The following MSL2 variants were observed in gnomAD, a reference collection of about 807,000 sequenced individuals.
MSL2 encodes the protein MSL complex subunit 2.
A neutral mutation model predicts 35.8 loss-of-function variants in MSL2; 2 were observed. The observed-to-expected ratio is 0.06, with a 90% CI of 0.02 to 0.18. The LOEUF (loss-of-function observed/expected upper bound fraction) is 0.18, where lower values mean the gene tolerates loss of function less well. MSL2 is among the 10% of genes least tolerant of loss of function. The pLI, the probability that MSL2 is intolerant of heterozygous loss-of-function variation, is 1.00. For synonymous variants in MSL2, 296 were observed against 255.7 expected (o/e 1.16, Z -1.50); for missense variants, 523 against 706.7 (o/e 0.74, Z 2.95).
At chr3:136,190,882 A>G (rs1157066512) in intron 1 of MSL2, among the ~76,000 whole-genome samples, 1 of 152,236 alleles carries the variant, frequency 6.6e-6, no homozygotes, top group Non-Finnish European at 1.5e-5. Context: ...TGTGGCCTAG[A>G]AAGTACAGTA....
At chr3:136,160,788 A>G (rs1349523662) in intron 1 of MSL2, among the ~76,000 whole-genome samples, 1 of 152,156 alleles carries the variant, frequency 6.6e-6, no homozygotes. Flanking sequence ...ATTTCACCAA[A>G]GAAAATATAT....
intron 1 of MSL2, chr3:136,194,641 G>A: frequency 3.6e-6 from 1 of 277,938 alleles, no homozygotes. Context: ...TACGTAATCA[G>A]CTCCCGCGGC....
intron 1 of MSL2, among the ~76,000 whole-genome samples, chr3:136,171,387 C>T (rs1303140542): frequency 6.6e-6 from 1 of 152,148 alleles, no homozygotes; most frequent in Non-Finnish European, 1.5e-5. Flanking sequence ...TAGGGTTGTC[C>T]TATGCTGGGC....
At chr3:136,157,546 C>T (rs751583130) in intron 1 of MSL2, among the ~76,000 whole-genome samples, 1 of 151,832 alleles carries the variant, frequency 6.6e-6, no homozygotes, top group Non-Finnish European at 1.5e-5. Flanking sequence ...GGGCAGAAAC[C>T]AATACAAGAG....
intron 1 of MSL2, among the ~76,000 whole-genome samples, chr3:136,162,227 C>T (rs1173240732): frequency 2.7e-5 from 4 of 150,442 alleles, no homozygotes; most frequent in Non-Finnish European, 4.4e-5. Flanking sequence ...TGAGCCACAA[C>T]ACCTGGCCCT....
intron 1 of MSL2, among the ~76,000 whole-genome samples, chr3:136,176,813 C>T (rs1484809969): frequency 6.6e-6 from 1 of 152,166 alleles, no homozygotes; most frequent in Non-Finnish European, 1.5e-5. Flanking sequence ...CAGATGCTGG[C>T]ACCATACTCC....
chr3:136,163,506 T>C (rs575094425), intron 1 of MSL2, among the ~76,000 whole-genome samples: 1 of 152,322 alleles, frequency 6.6e-6, no homozygotes, highest in Non-Finnish European at 1.5e-5. Context: ...ATGGCTAATT[T>C]CAAGTTTGTG....
At chr3:136,162,118 A>G (rs939029140) in intron 1 of MSL2, among the ~76,000 whole-genome samples, 6 of 151,690 alleles carry the variant, frequency 4.0e-5, no homozygotes, top group African/African-American at 1.2e-4. Context: ...TTTTATTTTT[A>G]GTAGAGACGG....
rs1241150220 is a variant in MSL2, at chr3:136,195,341, T to C, written c.-228A>G. The C allele has an allele frequency of 2.3e-6, 3 of 1,320,032 alleles. No individual in the cohort carries two copies. The highest frequency in any genetic ancestry group is 3.0e-5 in the African/African-American group (2 of 65,762). 81.8% of individuals were successfully genotyped at this position (1,320,032 alleles called of 1,614,324 possible). A position where few individuals can be genotyped will look rare whatever the true frequency, so the allele number is the denominator to read the frequency against. On this transcript the variant is annotated 5_prime_UTR_variant, in exon 1 of 2. Coordinates refer to ENST00000309993, the MANE Select transcript of MSL2 (RefSeq NM_018133.4). ...CCCTGAGACTTCCAGACCAAAAATA[T>C]GAGAGAGAAACCAGCGTTCGAGTTC... is the stretch of plus-strand genomic sequence containing the variant.
In MSL2 at chr3:136,193,847, A is replaced by C. The variant is rs182996834; in HGVS notation, c.142+1125T>G. ...TTACTCAGTTACTTAAATGTTTATGACCTTAAGTACCTGTCTTGCAAAAAA... is the reference window on the plus strand; with the variant it reads ...TTACTCAGTTACTTAAATGTTTATGCCCTTAAGTACCTGTCTTGCAAAAAA... On this transcript the variant is annotated intron_variant, in intron 1 of 1. Coordinates refer to ENST00000309993, the MANE Select transcript of MSL2 (RefSeq NM_018133.4). Among the ~76,000 whole-genome samples the C allele has an allele frequency of 1.6e-3, 250 of 152,214 alleles. 1 individual carries two copies. Among genetic ancestry groups the C allele is most frequent in the Non-Finnish European group, 3.0e-3 (207 of 68,002 alleles).
chr3:136,186,357 A>C (rs1378374014), intron 1 of MSL2, among the ~76,000 whole-genome samples: 1 of 152,164 alleles, frequency 6.6e-6, no homozygotes, highest in Non-Finnish European at 1.5e-5. Flanking sequence ...TTTGCACATA[A>C]CCTAAGCATA....
intron 1 of MSL2, among the ~76,000 whole-genome samples, chr3:136,157,772 G>T (rs964887215): frequency 6.6e-6 from 1 of 152,160 alleles, no homozygotes; most frequent in Non-Finnish European, 1.5e-5. Context: ...TTTCTCTAAA[G>T]ACACAAATGA....
chr3:136,194,773 C>A (rs1940788710), intron 1 of MSL2, among the ~76,000 whole-genome samples, 199 bp downstream of exon 1: 1 of 152,022 alleles, frequency 6.6e-6, no homozygotes, highest in Admixed American at 6.6e-5. Context: ...CTGCACAAAG[C>A]GGTATGAAAG....
intron 1 of MSL2, among the ~76,000 whole-genome samples, chr3:136,153,433 T>A (rs551349198): frequency 2.0e-4 from 30 of 152,072 alleles, no homozygotes; most frequent in East Asian, 1.2e-3. Flanking sequence ...GAAAAAAAAA[T>A]TTTTTCAACC....
At chr3:136,188,746 A>G (rs1940594891) in intron 1 of MSL2, among the ~76,000 whole-genome samples, 1 of 124,112 alleles carries the variant, frequency 8.1e-6, no homozygotes, top group South Asian at 2.6e-4. Context: ...AAAAAAAAAA[A>G]GTATCCACTA....
At chr3:136,164,510 AG>A (rs1180371509) in intron 1 of MSL2, among the ~76,000 whole-genome samples, 1 of 152,212 alleles carries the variant, frequency 6.6e-6, no homozygotes, top group African/African-American at 2.4e-5. Flanking sequence ...AGTTTCCCCA[AG>A]GGTTCTCTAT....
intron 1 of MSL2, among the ~76,000 whole-genome samples, chr3:136,192,892 G>A (rs995122956): frequency 7.2e-5 from 11 of 152,178 alleles, no homozygotes; most frequent in African/African-American, 2.2e-4. Flanking sequence ...ATGCTGGGCT[G>A]AATTCAAATA....
chr3:136,163,100 A>T (rs2108069180), intron 1 of MSL2, among the ~76,000 whole-genome samples: 1 of 152,206 alleles, frequency 6.6e-6, no homozygotes, highest in Non-Finnish European at 1.5e-5. Flanking sequence ...TCTACTAAAA[A>T]TACAACATAT....
At chr3:136,164,881 C>CT (rs397764663) in intron 1 of MSL2, among the ~76,000 whole-genome samples, 17,307 of 147,466 alleles carry the variant, frequency 0.12, 1,585 homozygotes, top group African/African-American at 0.26. Flanking sequence ...CACCTTCAGA[C>CT]TTTTTTTTTT....
Sources: gnomAD v4.1 joint callset for allele counts (sites outside exome capture counted in the v4.1 genomes callset) on GRCh38, gnomAD v4.1.1 for gene constraint, MANE v1.5 for transcripts, NCBI Gene and HGNC (gene_info 2026-07-23, HGNC 2026-07-21) for gene names.